PROM1: variants seen among roughly 807,000 people sequenced by gnomAD.
PROM1 encodes the protein prominin 1, also known as prominin-1.
A neutral mutation model predicts 116.9 loss-of-function variants in PROM1; 105 were observed. The ratio of observed to expected loss-of-function variants is 0.90; its 90% CI spans 0.77 to 1.06. The LOEUF is 1.06. Ranked by LOEUF, PROM1 falls within the 50% of genes least tolerant of loss-of-function variation. The pLI is 0.00. For synonymous variants in PROM1, 393 were observed against 387.0 expected (o/e 1.02, Z -0.18); for missense variants, 1,122 against 1,045.2 (o/e 1.07, Z -1.01).
intron 1 of PROM1, chr4:16,078,078 G>A (rs1474543786): frequency 6.6e-6 from 1 of 152,156 alleles, no homozygotes; most frequent in East Asian, 1.9e-4. Context: ...TGAAAGCCAG[G>A]GCAGAGGGAG....
Position 16,000,633 on chromosome 4 carries a change from T to C in PROM1, c.1455-14A>G. ...AATCCAACTCCACTGGAAAAAAATA[T>C]AAAGTTAGTAATTCAACAAAGAATG... On this transcript the variant is annotated splice_polypyrimidine_tract_variant and intron_variant, in intron 13 of 27. Transcript: ENST00000447510. 1 of 1,529,644 alleles carries C rather than the reference T, an allele frequency of 6.5e-7. No homozygotes were observed. The highest frequency in any genetic ancestry group is 9.0e-7 in the Non-Finnish European group (1 of 1,116,590). The allele number at this position is 1,529,644 out of a possible 1,614,324, so 94.8% of individuals were successfully genotyped here. A position where few individuals can be genotyped will look rare whatever the true frequency, so the allele number is the denominator to read the frequency against.
At chr4:16,074,646 A>T (rs1743554337) in intron 2 of PROM1, among the ~76,000 whole-genome samples, 1 of 152,226 alleles carries the variant, frequency 6.6e-6, no homozygotes, top group African/African-American at 2.4e-5. Flanking sequence ...AAAAATTGAC[A>T]ACTATACTTC....
At chr4:15,999,329 C>T (rs954301164) in intron 14 of PROM1, among the ~76,000 whole-genome samples, 7 of 151,790 alleles carry the variant, frequency 4.6e-5, no homozygotes, top group South Asian at 2.1e-4. Context: ...AAATTAGCCG[C>T]GCGTGGTGGC....
chr4:16,078,879 A>G (rs1386300431), intron 1 of PROM1, among the ~76,000 whole-genome samples: 3 of 152,152 alleles, frequency 2.0e-5, no homozygotes, highest in Non-Finnish European at 4.4e-5. Flanking sequence ...ACTCCTGCAC[A>G]AAGCTACCAA....
At chr4:16,022,943 G>T (rs544316240) in intron 8 of PROM1, among the ~76,000 whole-genome samples, 2 of 152,098 alleles carry the variant, frequency 1.3e-5, no homozygotes, top group Admixed American at 1.3e-4. Flanking sequence ...CCAGATAGAC[G>T]GTAAATATTT....
intron 10 of PROM1, among the ~76,000 whole-genome samples, chr4:16,015,492 C>A (rs1728134990): frequency 6.6e-6 from 1 of 151,818 alleles, no homozygotes; most frequent in Non-Finnish European, 1.5e-5. Context: ...GAGTTCGAGG[C>A]CAGCCTGGCC....
Position 15,991,280 on chromosome 4 carries a change from G to T in PROM1, c.1925C>A (p.Pro642His). 6.2e-7 allele frequency: 1 copy of T among 1,604,008 alleles called. No homozygotes were observed. Among genetic ancestry groups the T allele is most frequent in the Non-Finnish European group, 8.5e-7 (1 of 1,176,494 alleles). ...DSYLAQTGKSPAGVNLLSFAY... is the reference protein window; with the variant it reads ...DSYLAQTGKSHAGVNLLSFAY... ...AAATGATAAAAGATTCACTCCTGCG[G>T]GGGATTTACCAGTCTACAATAGAAG... The change falls in exon 18 of 28, where the codon CCC becomes CAC. Residue 642 changes from proline to histidine, a missense_variant. Pro to His is a moderately conservative substitution (Grantham distance 77). Transcript: ENST00000447510.
At position 15,992,363 on chromosome 4, in the gene PROM1, T is replaced by A. The variant is rs1721280933; in HGVS notation, c.1796A>T (p.Glu599Val). ...GATATTAAGATTTACCTTCAGACTT[T>A]CCAATTCACTGCTTATGCTTCCAGT... is the stretch of plus-strand genomic sequence containing the variant. ...EHTGSISSEL[E>V]SLKVNLNIFL... The change falls in exon 17 of 28, where the codon GAA becomes GTA. Residue 599 changes from glutamate (E) to valine (V), a missense_variant. By Grantham distance (121) the Glu-to-Val change is moderately radical. Coordinates refer to ENST00000447510, the MANE Select transcript of PROM1 (RefSeq NM_006017.3). 1 of 1,613,840 alleles carries A rather than the reference T, an allele frequency of 6.2e-7. No individual in the cohort carries two copies. The highest frequency in any genetic ancestry group is 8.5e-7 in the Non-Finnish European group (1 of 1,179,814).
At chr4:16,026,238 G>A (rs543723427) in intron 5 of PROM1, among the ~76,000 whole-genome samples, 1 of 152,196 alleles carries the variant, frequency 6.6e-6, no homozygotes, top group South Asian at 2.1e-4. Flanking sequence ...GGCTCTTACT[G>A]TTGACTAGTT....
intron 16 of PROM1, among the ~76,000 whole-genome samples, chr4:15,993,172 C>A (rs1007873268): frequency 6.6e-6 from 1 of 152,250 alleles, no homozygotes; most frequent in Admixed American, 6.5e-5. Flanking sequence ...ATCAAGCCAT[C>A]ATGGCCTCAT....
At chr4:16,047,501 G>A (rs1422748464) in intron 2 of PROM1, among the ~76,000 whole-genome samples, 1 of 152,018 alleles carries the variant, frequency 6.6e-6, no homozygotes, top group Non-Finnish European at 1.5e-5. Flanking sequence ...CACCATGCCG[G>A]GCAGGTACTT....
chr4:16,041,077 G>A (rs988726709), intron 2 of PROM1, among the ~76,000 whole-genome samples: 3 of 152,204 alleles, frequency 2.0e-5, no homozygotes, highest in Non-Finnish European at 4.4e-5. Flanking sequence ...GAATCCCCAA[G>A]ACATGTTCAG....
intron 27 of PROM1, among the ~76,000 whole-genome samples, chr4:15,970,332 C>A (rs1465892536): frequency 6.6e-6 from 1 of 151,410 alleles, no homozygotes; most frequent in Non-Finnish European, 1.5e-5. Context: ...GGCCCCCCAC[C>A]ACACCCGGCT....
Position 16,016,603 on chromosome 4 carries a change from TAGTG to T in PROM1, c.1003-367_1003-364del, listed in dbSNP as rs541409749. ...AAAGCAATGTAGTCAGTGGTTATAT[TAGTG>T]AGTAATCTGGAATCGTTTTTCCACT... On this transcript the variant is annotated intron_variant, in intron 9 of 27. Transcript: ENST00000447510. Among the ~76,000 whole-genome samples the T allele has an allele frequency of 1.5e-3, 224 of 152,324 alleles. 2 individuals carry two copies. The highest frequency in any genetic ancestry group is 2.1e-3 in the South Asian group (10 of 4,824).
At chr4:16,047,609 G>C (rs368678016) in intron 2 of PROM1, among the ~76,000 whole-genome samples, 1 of 147,634 alleles carries the variant, frequency 6.8e-6, no homozygotes, top group Admixed American at 6.7e-5. Flanking sequence ...AGTTGTAGAT[G>C]TTAACAACAT....
intron 9 of PROM1, 109 bp from the exon 10 acceptor site, chr4:16,016,349 G>A (rs1301451852): frequency 3.6e-6 from 3 of 824,780 alleles, no homozygotes; most frequent in Non-Finnish European, 5.7e-6. Flanking sequence ...CTATACTACA[G>A]GGTACAATCG....
intron 15 of PROM1, among the ~76,000 whole-genome samples, chr4:15,995,067 G>A (rs1031763761): frequency 2.6e-5 from 4 of 152,216 alleles, no homozygotes; most frequent in African/African-American, 7.2e-5. Flanking sequence ...GCTAATGTAT[G>A]CCTAGAGCAC....
chr4:16,044,094 G>T (rs1424671795), intron 2 of PROM1, among the ~76,000 whole-genome samples: 1 of 152,204 alleles, frequency 6.6e-6, no homozygotes, highest in African/African-American at 2.4e-5. Context: ...TATGAGTTTT[G>T]TGATGTCTGA....
At chr4:16,079,913 T>A (rs1214121727) in intron 1 of PROM1, 1 of 143,822 alleles carries the variant, frequency 7.0e-6, no homozygotes, top group Non-Finnish European at 1.5e-5. Flanking sequence ...GCTGTGCAGG[T>A]CCCTGGCTTA....
Sources: allele counts gnomAD v4.1 joint callset (sites outside exome capture counted in the v4.1 genomes callset), GRCh38; gene constraint gnomAD v4.1.1; transcripts MANE v1.5; gene names NCBI Gene and HGNC (gene_info 2026-07-23, HGNC 2026-07-21).